MEF2C: variants seen among roughly 807,000 people sequenced by gnomAD.
MEF2C encodes myocyte-specific enhancer factor 2C.
A neutral mutation model predicts 50.5 loss-of-function variants in MEF2C; 6 were observed. The ratio of observed to expected loss-of-function variants is 0.12; its 90% confidence interval spans 0.07 to 0.23. The LOEUF (loss-of-function observed/expected upper bound fraction) is 0.23. Among genes scored for constraint, MEF2C ranks in the 10% least tolerant of loss-of-function variants. The pLI is 1.00. For synonymous variants in MEF2C, 183 were observed against 228.0 expected (o/e 0.80, Z 1.78); for missense variants, 276 against 605.0 (o/e 0.46, Z 5.70).
At chr5:88,849,272 T>C (rs984581548) in intron 1 of MEF2C, among the ~76,000 whole-genome samples, 2 of 152,082 alleles carry the variant, frequency 1.3e-5, no homozygotes, top group Non-Finnish European at 2.9e-5. Flanking sequence ...ATCCACATGC[T>C]CCAACTGCTT....
chr5:88,766,470 C>A (rs984000266), intron 3 of MEF2C, among the ~76,000 whole-genome samples: 1 of 151,872 alleles, frequency 6.6e-6, no homozygotes, highest in Non-Finnish European at 1.5e-5. Flanking sequence ...AATTATTGAC[C>A]TTTTTCGATT....
At chr5:88,843,719 A>C (rs1818264973) in intron 1 of MEF2C, among the ~76,000 whole-genome samples, 1 of 152,184 alleles carries the variant, frequency 6.6e-6, no homozygotes, top group Non-Finnish European at 1.5e-5. Flanking sequence ...TCAAGTTGGA[A>C]ACACAGAAGA....
At chr5:88,751,474 A>C in intron 5 of MEF2C, 1 of 985,452 alleles carries the variant, frequency 1.0e-6, no homozygotes. Flanking sequence ...ATCACAGAAC[A>C]CAGGGGAAGG....
intron 6 of MEF2C, chr5:88,736,776 A>G: frequency 1.0e-6 from 1 of 985,404 alleles, no homozygotes; most frequent in Non-Finnish European, 1.2e-6. Context: ...AGAACTGTCT[A>G]CAGTTGACAC....
chr5:88,851,642 GC>G (rs1442391551), intron 1 of MEF2C, among the ~76,000 whole-genome samples: 1 of 151,798 alleles, frequency 6.6e-6, no homozygotes, highest in Non-Finnish European at 1.5e-5. Flanking sequence ...GGTTCTATAC[GC>G]TACTATTCGT....
chr5:88,771,739 G>T, intron 3 of MEF2C: 1 of 305,734 alleles, frequency 3.3e-6, no homozygotes, highest in Non-Finnish European at 4.8e-6. Context: ...TGGTCTTGTA[G>T]AGTGACAGTA....
intron 1 of MEF2C, among the ~76,000 whole-genome samples, chr5:88,893,616 A>G (rs1249692836): frequency 1.3e-5 from 2 of 152,078 alleles, no homozygotes; most frequent in Non-Finnish European, 2.9e-5. Flanking sequence ...TAAATTTTAA[A>G]CCAAGCAATA....
intron 6 of MEF2C, among the ~76,000 whole-genome samples, chr5:88,744,724 C>CCA (rs1768531189): frequency 6.6e-6 from 1 of 152,182 alleles, no homozygotes; most frequent in Admixed American, 6.5e-5. Context: ...GTATATTTCT[C>CCA]TTATACCAAG....
intron 6 of MEF2C, among the ~76,000 whole-genome samples, chr5:88,745,989 G>A (rs917501360): frequency 6.6e-6 from 1 of 152,196 alleles, no homozygotes; most frequent in Non-Finnish European, 1.5e-5. Flanking sequence ...CACAGTAAGA[G>A]CAGTTTAGAT....
At chr5:88,723,376 A>G (rs571251056) in intron 10 of MEF2C, among the ~76,000 whole-genome samples, 41 of 152,350 alleles carry the variant, frequency 2.7e-4, no homozygotes, top group African/African-American at 9.6e-4. Flanking sequence ...TTAAAAGCTT[A>G]TTATCAATAT....
chr5:88,728,748 T>C (rs1008292577), intron 9 of MEF2C, 120 bp from the exon 10 acceptor site: 7 of 767,598 alleles, frequency 9.1e-6, no homozygotes, highest in Non-Finnish European at 1.3e-5. Flanking sequence ...ATTATAGATA[T>C]TTTTAATTTT....
intron 1 of MEF2C, among the ~76,000 whole-genome samples, chr5:88,848,647 G>T (rs1235057404): frequency 6.6e-6 from 1 of 152,148 alleles, no homozygotes; most frequent in Non-Finnish European, 1.5e-5. Context: ...GCACACTGAT[G>T]AAAATTAAGT....
chr5:88,782,454 G>A (rs1387102611), intron 3 of MEF2C, among the ~76,000 whole-genome samples: 1 of 125,806 alleles, frequency 7.9e-6, no homozygotes. Flanking sequence ...CAATGGGCAT[G>A]AAATCATCTC....
chr5:88,741,670 T>C (rs1233692748), intron 6 of MEF2C: 1 of 976,096 alleles, frequency 1.0e-6, no homozygotes, highest in Non-Finnish European at 1.2e-6. Flanking sequence ...TAATGTTCTA[T>C]ATTAGTATAG....
chr5:88,741,799 A>G (rs1766951819), intron 6 of MEF2C: 6 of 985,122 alleles, frequency 6.1e-6, no homozygotes, highest in South Asian at 4.7e-5. Flanking sequence ...TGTCTAGTAA[A>G]ATAGATAAAC....
chr5:88,746,882 A>C (rs991460924), intron 6 of MEF2C, among the ~76,000 whole-genome samples: 1 of 152,214 alleles, frequency 6.6e-6, no homozygotes, highest in Non-Finnish European at 1.5e-5. Flanking sequence ...TAACACTTTC[A>C]CAGCTATATA....
chr5:88,825,490 T>G, intron 1 of MEF2C: 2 of 984,052 alleles, frequency 2.0e-6, no homozygotes, highest in Non-Finnish European at 2.4e-6. Context: ...GCTGTAATTT[T>G]AAATGTTGGA....
At chr5:88,779,599 G>GTT (rs1190008981) in intron 3 of MEF2C, among the ~76,000 whole-genome samples, 1 of 112,174 alleles carries the variant, frequency 8.9e-6, no homozygotes, top group African/African-American at 2.9e-5. Flanking sequence ...GTTTGTGTAG[G>GTT]TTTGTGTGTG....
At chr5:88,871,671 G>C (rs189753282) in intron 1 of MEF2C, among the ~76,000 whole-genome samples, 1 of 152,082 alleles carries the variant, frequency 6.6e-6, no homozygotes, top group African/African-American at 2.4e-5. Context: ...CAGAAAAGCT[G>C]AACAAAAGGG....
Sources: allele counts gnomAD v4.1 joint callset (sites outside exome capture counted in the v4.1 genomes callset), GRCh38; gene constraint gnomAD v4.1.1; transcripts MANE v1.5; gene names NCBI Gene and HGNC (gene_info 2026-07-23, HGNC 2026-07-21).